The following SNX29 variants were observed in gnomAD, a reference collection of about 807,000 sequenced individuals.
SNX29 encodes the protein sorting nexin-29.
A neutral mutation model predicts 102.1 loss-of-function variants in SNX29; 78 were observed. The observed-to-expected ratio is 0.76, with a 90% CI of 0.64 to 0.92. The LOEUF is 0.92. Ranked by LOEUF, SNX29 falls within the 40% of genes least tolerant of loss-of-function variation. The pLI is 0.00. For missense variants in SNX29, 1,280 were observed against 1,061.7 expected (o/e 1.21, Z -2.86); for synonymous variants, 580 against 414.5 (o/e 1.40, Z -4.85).
chr16:12,273,635 G>A (rs932366478), intron 14 of SNX29, among the ~76,000 whole-genome samples: 4 of 152,150 alleles, frequency 2.6e-5, no homozygotes, highest in Non-Finnish European at 5.9e-5. Flanking sequence ...TGGGATTACA[G>A]GCGTGAGCCA....
chr16:12,193,879 T>C (rs928699117), intron 13 of SNX29, among the ~76,000 whole-genome samples: 4 of 152,216 alleles, frequency 2.6e-5, no homozygotes, highest in African/African-American at 7.2e-5. Flanking sequence ...GACATTGGCT[T>C]GAGGGCTGTA....
intron 16 of SNX29, among the ~76,000 whole-genome samples, chr16:12,381,181 C>CACCATCCACCCACCCACCCACCT (rs2083125365): frequency 3.2e-5 from 1 of 31,462 alleles, no homozygotes; most frequent in African/African-American, 4.9e-4. Context: ...TCCACCCACC[C>CACCATCCACCCACCCACCCACCT]ACCATCCACC....
intron 15 of SNX29, among the ~76,000 whole-genome samples, chr16:12,284,836 T>G (rs1186243690): frequency 6.6e-6 from 1 of 151,930 alleles, no homozygotes; most frequent in Non-Finnish European, 1.5e-5. Context: ...GCAATTCTCC[T>G]GCCTCAGCCT....
At chr16:12,145,666 A>C (rs980301350) in intron 13 of SNX29, among the ~76,000 whole-genome samples, 2 of 152,232 alleles carry the variant, frequency 1.3e-5, no homozygotes, top group African/African-American at 4.8e-5. Context: ...TATTTTATAT[A>C]ATTCAGGTCA....
intron 14 of SNX29, among the ~76,000 whole-genome samples, chr16:12,207,677 C>G (rs2077080312): frequency 6.6e-6 from 1 of 152,150 alleles, no homozygotes; most frequent in South Asian, 2.1e-4. Context: ...TTCCCTTATG[C>G]TTGCTCAGGC....
chr16:12,564,932 G>GT (rs763544006), intron 20 of SNX29, among the ~76,000 whole-genome samples: 22 of 23,832 alleles, frequency 9.2e-4, no homozygotes, highest in Non-Finnish European at 1.7e-3. Context: ...GAACCTTGGT[G>GT]TTAAAAAAAA....
chr16:12,288,478 G>C (rs1287462503), intron 15 of SNX29, among the ~76,000 whole-genome samples: 1 of 152,114 alleles, frequency 6.6e-6, no homozygotes, highest in Non-Finnish European at 1.5e-5. Context: ...AGCAGTCCCG[G>C]AGCTGTAACT....
intron 16 of SNX29, among the ~76,000 whole-genome samples, chr16:12,358,476 T>C (rs1237026562): frequency 1.3e-5 from 2 of 152,140 alleles, no homozygotes; most frequent in Non-Finnish European, 2.9e-5. Flanking sequence ...GGCTGAGGCA[T>C]GAGAATTGCT....
At chr16:12,075,836 G>C (rs1299824626) in intron 10 of SNX29, among the ~76,000 whole-genome samples, 2 of 152,222 alleles carry the variant, frequency 1.3e-5, no homozygotes, top group Non-Finnish European at 2.9e-5. Flanking sequence ...GAGCTTCCTG[G>C]CTGCTTTGTT....
chr16:12,538,142 G>C (rs1347835996), intron 20 of SNX29, among the ~76,000 whole-genome samples: 1 of 152,074 alleles, frequency 6.6e-6, no homozygotes, highest in Non-Finnish European at 1.5e-5. Flanking sequence ...TTGAGACGGA[G>C]TCTCACTCTG....
intron 13 of SNX29, among the ~76,000 whole-genome samples, chr16:12,169,930 C>G (rs137991050): frequency 1.3e-5 from 2 of 151,976 alleles, no homozygotes; most frequent in Non-Finnish European, 2.9e-5. Flanking sequence ...GGTGAGCCAC[C>G]GTACCTGGCC....
chr16:12,235,797 G>C (rs2077911453), intron 14 of SNX29, among the ~76,000 whole-genome samples: 1 of 151,620 alleles, frequency 6.6e-6, no homozygotes, highest in Admixed American at 6.6e-5. Context: ...GTGTGTGTGT[G>C]TGTGTGTGTG....
intron 15 of SNX29, among the ~76,000 whole-genome samples, chr16:12,286,026 A>G (rs890188473): frequency 2.0e-5 from 3 of 152,106 alleles, no homozygotes; most frequent in African/African-American, 7.2e-5. Flanking sequence ...TATTTTTAGT[A>G]GAGACAGGGT....
Position 12,063,366 on chromosome 16 carries a change from C to CTTTTTTTTTTTTTTTTTTT in SNX29, c.1243+1728_1243+1746dup, listed in dbSNP as rs369015533. On this transcript the variant is annotated intron_variant, in intron 9 of 20. Transcript: ENST00000566228. The stretch of plus-strand genomic sequence containing the variant: ...CCCACCTCTTCTTTTCCTAGTCCAT[C>CTTTTTTTTTTTTTTTTTTT]TTTTTTTTTTTTTTTTTTTTTTTTT... Among the ~76,000 whole-genome samples the CTTTTTTTTTTTTTTTTTTT allele has an allele frequency of 3.1e-3, 171 of 55,396 alleles. 33 individuals carry two copies. The highest frequency in any genetic ancestry group is 3.8e-3 in the South Asian group (4 of 1,046). 36.3% of individuals were successfully genotyped at this position (55,396 alleles called of 152,430 possible).
chr16:12,498,783 T>C lies in SNX29; in HGVS notation c.2178+20924T>C, dbSNP rs533966139. Among the ~76,000 whole-genome samples the C allele has an allele frequency of 2.0e-5, 3 of 152,348 alleles. No individual in the cohort carries two copies. In the South Asian group the frequency reaches 6.2e-4, roughly 32 times the overall value. On this transcript the variant is annotated intron_variant, in intron 19 of 20. Transcript: ENST00000566228. ...ATAAACCAAACAGCATAGAATTTTTTCAATTTGCAAATTAAAACAATTTTT... is the reference window on the plus strand; with the variant it reads ...ATAAACCAAACAGCATAGAATTTTTCCAATTTGCAAATTAAAACAATTTTT...
chr16:12,205,887 C>T (rs761690942), intron 14 of SNX29, among the ~76,000 whole-genome samples: 11 of 152,356 alleles, frequency 7.2e-5, no homozygotes, highest in South Asian at 2.1e-4. Context: ...ATCCATGACA[C>T]GTGCTCTATA....
chr16:12,341,086 T>C (rs1033076833), intron 15 of SNX29, among the ~76,000 whole-genome samples: 9 of 152,042 alleles, frequency 5.9e-5, no homozygotes, highest in African/African-American at 2.2e-4. Context: ...GTGTCTGGCC[T>C]GTGGAACGCA....
At chr16:12,141,232 C>T (rs1050778715) in intron 13 of SNX29, among the ~76,000 whole-genome samples, 8 of 152,162 alleles carry the variant, frequency 5.3e-5, no homozygotes, top group Admixed American at 2.6e-4. Flanking sequence ...GTAAGGTTTC[C>T]GCCTACATGA....
At chr16:12,527,783 A>C (rs28582575) in intron 20 of SNX29, among the ~76,000 whole-genome samples, 5,381 of 151,036 alleles carry the variant, frequency 0.036, 186 homozygotes, top group East Asian at 0.094. Context: ...TTATTTAGCC[A>C]GTATAGTGGG....
Sources: allele counts gnomAD v4.1 joint callset (sites outside exome capture counted in the v4.1 genomes callset), GRCh38; gene constraint gnomAD v4.1.1; transcripts MANE v1.5; gene names NCBI Gene and HGNC (gene_info 2026-07-23, HGNC 2026-07-21).